The following PIWIL1 variants were observed in gnomAD, a reference collection of about 807,000 sequenced individuals.
PIWIL1 encodes piwi like RNA-mediated gene silencing 1, also known as piwi-like protein 1.
Under a neutral mutation model 114.4 loss-of-function variants are expected in PIWIL1, and 73 were observed. That is an observed-to-expected ratio of 0.64 (90% CI 0.53 to 0.78). The LOEUF (loss-of-function observed/expected upper bound fraction) is 0.78. Ranked by LOEUF, PIWIL1 falls within the 30% of genes least tolerant of loss-of-function variation. PIWIL1 has a pLI of 0.00. For synonymous variants in PIWIL1, 375 were observed against 369.0 expected (o/e 1.02, Z -0.19); for missense variants, 723 against 1,063.1 (o/e 0.68, Z 4.45).
At chr12:130,340,793 A>T (rs561941713) in intron 1 of PIWIL1, among the ~76,000 whole-genome samples, 1 of 152,162 alleles carries the variant, frequency 6.6e-6, no homozygotes, top group African/African-American at 2.4e-5. Flanking sequence ...CATGATGCGC[A>T]CATTATAAAA....
At chr12:130,398,543 C>T in the PIWIL1 span, 3 of 152,758 alleles carry the variant, frequency 2.0e-5, no homozygotes, top group Admixed American at 6.5e-5. Context: ...ACAACAAACG[C>T]GTGTTGCAGC....
chr12:130,370,806 A>G (rs1264661268), intron 19 of PIWIL1, among the ~76,000 whole-genome samples: 1 of 152,216 alleles, frequency 6.6e-6, no homozygotes, highest in Non-Finnish European at 1.5e-5. Context: ...CTGCCCCCAC[A>G]GGTCGTGCTT....
intron 19 of PIWIL1, among the ~76,000 whole-genome samples, chr12:130,368,046 C>T (rs1440178495): frequency 2.0e-5 from 3 of 152,198 alleles, no homozygotes; most frequent in Admixed American, 1.3e-4. Context: ...GATCCGCTCG[C>T]GTCAGCCTCC....
the PIWIL1 span, among the ~76,000 whole-genome samples, chr12:130,379,349 A>G: frequency 2.0e-5 from 3 of 152,354 alleles, no homozygotes; most frequent in Middle Eastern, 3.4e-3. Context: ...ACCACATTGA[A>G]TAAACCTAAA....
At chr12:130,390,872 C>T in the PIWIL1 span, among the ~76,000 whole-genome samples, 1 of 152,234 alleles carries the variant, frequency 6.6e-6, no homozygotes, top group Admixed American at 6.5e-5. Context: ...GTCGTTGTCT[C>T]TCACCTGCTG....
intron 1 of PIWIL1, among the ~76,000 whole-genome samples, chr12:130,341,210 C>T (rs1303337211): frequency 2.0e-5 from 3 of 152,190 alleles, no homozygotes; most frequent in Non-Finnish European, 4.4e-5. Flanking sequence ...CACATGAAAT[C>T]CTCCACTCCC....
Position 130,371,173 on chromosome 12 carries a change from C to T in PIWIL1, c.2322-3C>T, listed in dbSNP as rs2073807776. The T allele has an allele frequency of 2.5e-6, 4 of 1,613,694 alleles. No homozygotes were observed. The highest frequency in any genetic ancestry group is 1.3e-5 in the African/African-American group (1 of 75,006). On this transcript the variant is annotated splice_region_variant and splice_polypyrimidine_tract_variant and intron_variant, in intron 19 of 20. Transcript: ENST00000245255. ...CACATCCGTGTGTTTTCTGTAATTC[C>T]AGGTATGACTTTTTTATCGTGAGCC...
At chr12:130,350,386 A>G (rs751096677) in intron 9 of PIWIL1, among the ~76,000 whole-genome samples, 2 of 152,206 alleles carry the variant, frequency 1.3e-5, no homozygotes, top group African/African-American at 4.8e-5. Flanking sequence ...TGCTAAATCT[A>G]CTGCCTGTGG....
chr12:130,376,395 G>C (rs894803652), downstream of PIWIL1, among the ~76,000 whole-genome samples: 5 of 152,232 alleles, frequency 3.3e-5, no homozygotes, highest in African/African-American at 1.2e-4. Flanking sequence ...GGGCGCGTTA[G>C]AGTGCAAAGG....
chr12:130,414,254 A>G, the PIWIL1 span: 22 of 1,613,078 alleles, frequency 1.4e-5, no homozygotes, highest in East Asian at 4.7e-4. Flanking sequence ...CACCAGGGTC[A>G]GTTTCTGACT....
At chr12:130,383,639 C>T in the PIWIL1 span, 1 of 152,126 alleles carries the variant, frequency 6.6e-6, no homozygotes, top group African/African-American at 2.4e-5. Context: ...ATGCACGTAC[C>T]CAAGACAAAA....
the PIWIL1 span, among the ~76,000 whole-genome samples, chr12:130,380,526 T>C: frequency 6.6e-6 from 1 of 152,244 alleles, no homozygotes; most frequent in Non-Finnish European, 1.5e-5. Context: ...GAATATCCCT[T>C]ATCCTTTGAA....
chr12:130,412,254 A>G, the PIWIL1 span, among the ~76,000 whole-genome samples: 3 of 152,162 alleles, frequency 2.0e-5, no homozygotes, highest in Admixed American at 6.5e-5. Context: ...CGGCCCCCCA[A>G]CCACCCACTG....
chr12:130,359,722 T>C (rs771099844), intron 14 of PIWIL1, among the ~76,000 whole-genome samples: 4 of 152,184 alleles, frequency 2.6e-5, no homozygotes, highest in East Asian at 1.9e-4. Flanking sequence ...GTTCAGTCAA[T>C]TCCTATTGCT....
chr12:130,393,522 C>T, the PIWIL1 span, among the ~76,000 whole-genome samples: 96 of 133,700 alleles, frequency 7.2e-4, 1 homozygote, highest in Non-Finnish European at 7.3e-4. Context: ...ACCGTCATCA[C>T]GTGGGTGCAT....
At chr12:130,406,772 G>A in the PIWIL1 span, among the ~76,000 whole-genome samples, 2 of 152,122 alleles carry the variant, frequency 1.3e-5, no homozygotes, top group African/African-American at 4.8e-5. Flanking sequence ...TCAGCCTCCT[G>A]AGCAGCTGGG....
chr12:130,352,892 C>G (rs1199907875), intron 9 of PIWIL1, among the ~76,000 whole-genome samples: 2 of 152,108 alleles, frequency 1.3e-5, no homozygotes, highest in Non-Finnish European at 2.9e-5. Flanking sequence ...TCCCAGACTC[C>G]TCATTTTAAA....
intron 1 of PIWIL1, chr12:130,339,685 G>C (rs1307888334): frequency 6.6e-6 from 1 of 152,210 alleles, no homozygotes; most frequent in African/African-American, 2.4e-5. Context: ...TGGACGTAGA[G>C]CGCTGAGCCC....
chr12:130,349,874 C>T lies in PIWIL1; in HGVS notation c.951C>T (p.Tyr317=). 3 of 1,605,572 alleles carry T rather than the reference C, an allele frequency of 1.9e-6. No individual in the cohort carries two copies. Among genetic ancestry groups the T allele is most frequent in the Non-Finnish European group, 2.6e-6 (3 of 1,173,294 alleles). Residue 317 remains tyrosine (Y), a synonymous_variant, in exon 9 of 21, where the codon TAC becomes TAT. Coordinates refer to ENST00000245255, the MANE Select transcript of PIWIL1 (RefSeq NM_004764.5). ...TCCCTAGGTATAACAATAAGACATA[C>T]AGAGTGGATGATATTGACTGGGACC... ...VVLTKYNNKT[Y]RVDDIDWDQN...
Sources: allele counts gnomAD v4.1 joint callset (sites outside exome capture counted in the v4.1 genomes callset), GRCh38; gene constraint gnomAD v4.1.1; transcripts MANE v1.5; gene names NCBI Gene and HGNC (gene_info 2026-07-23, HGNC 2026-07-21).